HS6ST3: variants seen among roughly 807,000 people sequenced by gnomAD.
HS6ST3 encodes the protein heparan-sulfate 6-O-sulfotransferase 3.
Under a neutral mutation model 36.7 loss-of-function variants are expected in HS6ST3, and 12 were observed. The observed-to-expected ratio is 0.33, with a 90% CI of 0.21 to 0.53. HS6ST3 has a LOEUF of 0.53. Among genes scored for constraint, HS6ST3 ranks in the 20% least tolerant of loss-of-function variants. The pLI is 0.95. For missense variants in HS6ST3, 584 were observed against 640.9 expected (o/e 0.91, Z 0.96); for synonymous variants, 240 against 257.5 (o/e 0.93, Z 0.65).
chr13:96,340,891 T>C (rs540914652), intron 1 of HS6ST3, among the ~76,000 whole-genome samples: 1 of 152,318 alleles, frequency 6.6e-6, no homozygotes, highest in Non-Finnish European at 1.5e-5. Context: ...TTTAGGGAAA[T>C]ATTGGATGTT....
intron 1 of HS6ST3, among the ~76,000 whole-genome samples, chr13:96,415,859 T>G (rs1464375593): frequency 6.6e-6 from 1 of 152,248 alleles, no homozygotes; most frequent in African/African-American, 2.4e-5. Flanking sequence ...TATTTATACT[T>G]GATCTTGTGT....
chr13:96,513,559 G>T (rs2056059493), intron 1 of HS6ST3, among the ~76,000 whole-genome samples: 1 of 152,064 alleles, frequency 6.6e-6, no homozygotes. Flanking sequence ...CTTCTTGGCT[G>T]AGCTCTGCCA....
intron 1 of HS6ST3, among the ~76,000 whole-genome samples, chr13:96,237,924 C>A (rs1262646339): frequency 6.6e-6 from 1 of 152,110 alleles, no homozygotes; most frequent in Non-Finnish European, 1.5e-5. Flanking sequence ...GTCAGCTAAA[C>A]CTGGGCCTTG....
At chr13:96,239,095 T>C (rs563473089) in intron 1 of HS6ST3, among the ~76,000 whole-genome samples, 2 of 152,314 alleles carry the variant, frequency 1.3e-5, no homozygotes, top group East Asian at 3.9e-4. Context: ...TGGGAGACCT[T>C]ATCCTTACAA....
chr13:96,716,296 A>G (rs953836073), intron 1 of HS6ST3, among the ~76,000 whole-genome samples: 3 of 152,156 alleles, frequency 2.0e-5, no homozygotes, highest in Non-Finnish European at 2.9e-5. Context: ...GAAATCACTT[A>G]CTAGATGTCT....
chr13:96,236,606 C>T (rs892301980), intron 1 of HS6ST3, among the ~76,000 whole-genome samples: 6 of 152,154 alleles, frequency 3.9e-5, no homozygotes, highest in Non-Finnish European at 7.3e-5. Context: ...ACTCTGACGC[C>T]ATGAATCTGT....
At chr13:96,573,538 C>G (rs1381444860) in intron 1 of HS6ST3, 1 of 180,836 alleles carries the variant, frequency 5.5e-6, no homozygotes, top group Non-Finnish European at 1.1e-5. Context: ...TAAAATAGCT[C>G]CCCTCCTCTG....
At chr13:96,167,458 G>A (rs781368890) in intron 1 of HS6ST3, among the ~76,000 whole-genome samples, 4 of 152,124 alleles carry the variant, frequency 2.6e-5, no homozygotes, top group Non-Finnish European at 5.9e-5. Flanking sequence ...AGTGCCATGT[G>A]CTCTTGGTTT....
chr13:96,498,331 G>A (rs1400526517), intron 1 of HS6ST3, among the ~76,000 whole-genome samples: 1 of 152,210 alleles, frequency 6.6e-6, no homozygotes, highest in Non-Finnish European at 1.5e-5. Context: ...TGAGAGACAG[G>A]AGGTGGAGCA....
At chr13:96,166,995 C>T (rs180798734) in intron 1 of HS6ST3, among the ~76,000 whole-genome samples, 1 of 152,286 alleles carries the variant, frequency 6.6e-6, no homozygotes. Context: ...TCCCTTCCCA[C>T]ATGATTGTAA....
chr13:96,093,989 G>T (rs2053777787), intron 1 of HS6ST3, among the ~76,000 whole-genome samples: 1 of 152,248 alleles, frequency 6.6e-6, no homozygotes, highest in East Asian at 1.9e-4. Context: ...GTTGATTTTG[G>T]TTCCCTAGTC....
intron 1 of HS6ST3, among the ~76,000 whole-genome samples, chr13:96,174,044 C>A (rs1255686854): frequency 6.6e-6 from 1 of 152,044 alleles, no homozygotes; most frequent in African/African-American, 2.4e-5. Flanking sequence ...CAGATAGGAA[C>A]AGTTGTCAGT....
At chr13:96,450,956 A>G (rs2055724918) in intron 1 of HS6ST3, among the ~76,000 whole-genome samples, 1 of 152,128 alleles carries the variant, frequency 6.6e-6, no homozygotes, top group African/African-American at 2.4e-5. Flanking sequence ...CCTCAGTTGG[A>G]ATCAGTTTTT....
Position 96,311,017 on chromosome 13 carries a change from T to C in HS6ST3, c.707+219448T>C, listed in dbSNP as rs150335985. ...AGACTTACATGTGGAAGTTCAAAAA[T>C]ATTTTTACCTCAGATGCAGATAACT... On this transcript the variant is annotated intron_variant, in intron 1 of 1. Coordinates refer to ENST00000376705, the MANE Select transcript of HS6ST3 (RefSeq NM_153456.4). Among the ~76,000 whole-genome samples, 111 of 152,252 alleles carry C rather than the reference T, an allele frequency of 7.3e-4. 3 individuals carry two copies. The highest frequency in any genetic ancestry group is 2.6e-3 in the African/African-American group (106 of 41,548).
intron 1 of HS6ST3, among the ~76,000 whole-genome samples, chr13:96,103,323 A>G (rs904245200): frequency 7.2e-5 from 11 of 152,154 alleles, no homozygotes; most frequent in Admixed American, 3.9e-4. Flanking sequence ...GGCAACCAGG[A>G]TTTGAATCTG....
chr13:96,679,564 G>A (rs1181484749), intron 1 of HS6ST3, among the ~76,000 whole-genome samples: 6 of 152,080 alleles, frequency 3.9e-5, no homozygotes, highest in African/African-American at 7.2e-5. Context: ...ACCTCAGCCC[G>A]AAAGTAATTG....
chr13:96,769,893 AAAT>A (rs1877220773), intron 1 of HS6ST3, among the ~76,000 whole-genome samples: 2 of 152,128 alleles, frequency 1.3e-5, no homozygotes, highest in South Asian at 4.1e-4. Context: ...CAGCAATTTA[AAAT>A]AATCTAGTTA....
At chr13:96,112,075 T>A (rs551731268) in intron 1 of HS6ST3, among the ~76,000 whole-genome samples, 1 of 152,214 alleles carries the variant, frequency 6.6e-6, no homozygotes, top group South Asian at 2.1e-4. Flanking sequence ...TAAAACTACA[T>A]CTCTGGATGC....
intron 1 of HS6ST3, among the ~76,000 whole-genome samples, chr13:96,595,389 T>C (rs2056397709): frequency 6.6e-6 from 1 of 152,168 alleles, no homozygotes; most frequent in South Asian, 2.1e-4. Flanking sequence ...AATTTGCTGC[T>C]AGGTGTATTA....
Sources: allele counts gnomAD v4.1 joint callset (sites outside exome capture counted in the v4.1 genomes callset), GRCh38; gene constraint gnomAD v4.1.1; transcripts MANE v1.5; gene names NCBI Gene and HGNC (gene_info 2026-07-23, HGNC 2026-07-21).